The following C13orf42 variants were observed in gnomAD, a reference collection of about 807,000 sequenced individuals.
The protein encoded by C13orf42 is chromosome 13 open reading frame 42.
upstream of C13orf42, among the ~76,000 whole-genome samples, chr13:51,114,651 TAGACAGACAGAC>T (rs59801187): frequency 0.035 from 5,044 of 142,314 alleles, 253 homozygotes; most frequent in African/African-American, 0.1. Flanking sequence ...TAGATAGAGA[TAGACAGACAGAC>T]AGACAGACAG....
At chr13:51,145,424 T>C (rs1456065184) in intron 1 of C13orf42, among the ~76,000 whole-genome samples, 5 of 152,162 alleles carry the variant, frequency 3.3e-5, no homozygotes, top group Non-Finnish European at 7.3e-5. Flanking sequence ...CTGCTAAAAA[T>C]GAGATTTCCA....
chr13:51,085,113 G>A (rs371213211), intron 3 of C13orf42, among the ~76,000 whole-genome samples: 4 of 151,590 alleles, frequency 2.6e-5, no homozygotes, highest in South Asian at 4.2e-4. Context: ...TAGGAGCAGT[G>A]CACCAGGCTA....
chr13:51,139,522 A>T (rs1211560185), intron 1 of C13orf42, among the ~76,000 whole-genome samples: 2 of 152,212 alleles, frequency 1.3e-5, no homozygotes, highest in Non-Finnish European at 2.9e-5. Context: ...ATTCCCAGGA[A>T]GTGAGACATT....
At chr13:51,145,195 T>C (rs1482272085) in intron 1 of C13orf42, among the ~76,000 whole-genome samples, 1 of 152,354 alleles carries the variant, frequency 6.6e-6, no homozygotes, top group East Asian at 1.9e-4. Context: ...CTGTGCTTTT[T>C]TAAAACCCTG....
intron 1 of C13orf42, among the ~76,000 whole-genome samples, chr13:51,159,156 G>A (rs998022861): frequency 6.6e-6 from 1 of 152,144 alleles, no homozygotes; most frequent in Non-Finnish European, 1.5e-5. Context: ...CCAATCATGT[G>A]CATCAAAGCT....
chr13:51,141,634 C>T (rs954696202), intron 1 of C13orf42, among the ~76,000 whole-genome samples: 2 of 151,926 alleles, frequency 1.3e-5, no homozygotes, highest in East Asian at 1.9e-4. Flanking sequence ...TCCATCTCTA[C>T]TAAAAATACA....
chr13:51,105,869 TACAGAAGCTAATTCAGCTAC>T (rs1450119992), intron 1 of C13orf42, among the ~76,000 whole-genome samples: 2 of 152,204 alleles, frequency 1.3e-5, no homozygotes, highest in South Asian at 2.1e-4. Flanking sequence ...TTCGACATGA[TACAGAAGCTAATTCAGCTAC>T]ACAGAAGCTA....
intron 1 of C13orf42, among the ~76,000 whole-genome samples, chr13:51,117,361 G>C (rs1466893729): frequency 6.6e-6 from 1 of 152,196 alleles, no homozygotes; most frequent in Middle Eastern, 3.2e-3. Context: ...AATGTAAAAG[G>C]AAAGTGAATA....
intron 1 of C13orf42, among the ~76,000 whole-genome samples, chr13:51,100,481 A>C (rs1204513734): frequency 2.6e-5 from 4 of 152,190 alleles, no homozygotes; most frequent in Non-Finnish European, 4.4e-5. Context: ...TAATACAGCC[A>C]AAAGAAAATG....
intron 1 of C13orf42, among the ~76,000 whole-genome samples, chr13:51,138,214 A>ATT (rs1160821946): frequency 6.6e-6 from 1 of 152,234 alleles, no homozygotes; most frequent in African/African-American, 2.4e-5. Flanking sequence ...ACAACTTTAA[A>ATT]GTTGTGGCCT....
At chr13:51,093,586 T>C (rs1953202031) in intron 1 of C13orf42, among the ~76,000 whole-genome samples, 1 of 152,176 alleles carries the variant, frequency 6.6e-6, no homozygotes, top group South Asian at 2.1e-4. Context: ...AATAATAAGG[T>C]TAGTGGTGCT....
chr13:51,168,994 A>C (rs1022789642), intron 1 of C13orf42, among the ~76,000 whole-genome samples: 2 of 152,236 alleles, frequency 1.3e-5, no homozygotes, highest in Non-Finnish European at 2.9e-5. Context: ...CTGTGAGCCA[A>C]TTAAACCTCT....
At chr13:51,164,807 A>G (rs888381323) in intron 1 of C13orf42, among the ~76,000 whole-genome samples, 2 of 152,260 alleles carry the variant, frequency 1.3e-5, no homozygotes, top group Admixed American at 6.5e-5. Context: ...TGAGGATGAC[A>G]TTAGCCAGAG....
At chr13:51,141,712 C>T (rs1277926560) in intron 1 of C13orf42, among the ~76,000 whole-genome samples, 3 of 151,938 alleles carry the variant, frequency 2.0e-5, no homozygotes, top group Middle Eastern at 3.4e-3. Flanking sequence ...GCAGGAGAAT[C>T]GCTTGAACCT....
intron 1 of C13orf42, among the ~76,000 whole-genome samples, chr13:51,159,665 A>G (rs533085801): frequency 6.6e-6 from 1 of 152,374 alleles, no homozygotes; most frequent in East Asian, 1.9e-4. Context: ...AAAGAGAAAT[A>G]GATCCGAAGG....
intron 1 of C13orf42, among the ~76,000 whole-genome samples, chr13:51,148,802 C>T (rs1390035963): frequency 6.6e-6 from 1 of 152,230 alleles, no homozygotes; most frequent in Admixed American, 6.5e-5. Context: ...CCTCCGCCGC[C>T]AGGCCCCAGC....
chr13:51,143,136 G>T (rs1430061500), intron 1 of C13orf42, among the ~76,000 whole-genome samples: 1 of 152,016 alleles, frequency 6.6e-6, no homozygotes, highest in Non-Finnish European at 1.5e-5. Context: ...GTCCAAAAAG[G>T]ACACCAAGTC....
intron 1 of C13orf42, among the ~76,000 whole-genome samples, chr13:51,091,053 T>C (rs757126989): frequency 2.6e-5 from 4 of 152,142 alleles, no homozygotes; most frequent in Non-Finnish European, 5.9e-5. Context: ...TTGTGTCACT[T>C]TCCCACACCT....
At chr13:51,152,931 G>T (rs559338572) in intron 1 of C13orf42, among the ~76,000 whole-genome samples, 1 of 152,038 alleles carries the variant, frequency 6.6e-6, no homozygotes. Flanking sequence ...TCATGTTCGC[G>T]GGCACCCTGG....
Sources: allele counts gnomAD v4.1 joint callset (sites outside exome capture counted in the v4.1 genomes callset), GRCh38; gene constraint gnomAD v4.1.1; transcripts MANE v1.5; gene names NCBI Gene and HGNC (gene_info 2026-07-23, HGNC 2026-07-21).